The following KIAA1549L variants were observed in gnomAD, a reference collection of about 807,000 sequenced individuals.
KIAA1549L encodes the protein KIAA1549 like, also known as UPF0606 protein KIAA1549L.
A neutral mutation model predicts 160.7 loss-of-function variants in KIAA1549L; 88 were observed. That is an observed-to-expected ratio of 0.55 (90% CI 0.46 to 0.65). The LOEUF is 0.65. Among genes scored for constraint, KIAA1549L ranks in the 30% least tolerant of loss-of-function variants. KIAA1549L has a pLI of 0.00. For missense variants in KIAA1549L, 2,258 were observed against 2,437.5 expected (o/e 0.93, Z 1.55); for synonymous variants, 950 against 976.7 (o/e 0.97, Z 0.51).
chr11:33,384,961 G>A (rs1850146162), intron 1 of KIAA1549L, among the ~76,000 whole-genome samples: 1 of 149,462 alleles, frequency 6.7e-6, no homozygotes. Flanking sequence ...TTTTTTAAAA[G>A]GAGAGAAGTT....
chr11:33,625,710 C>T (rs1317904046), intron 16 of KIAA1549L, among the ~76,000 whole-genome samples: 4 of 152,002 alleles, frequency 2.6e-5, no homozygotes, highest in Admixed American at 6.6e-5. Context: ...TTGTAGGTTG[C>T]CTGTTCACTC....
intron 20 of KIAA1549L, among the ~76,000 whole-genome samples, chr11:33,663,830 GAGAC>G (rs1852348303): frequency 6.6e-6 from 1 of 152,194 alleles, no homozygotes; most frequent in Admixed American, 6.5e-5. Context: ...TTGACAGCCT[GAGAC>G]AGGCAATGGC....
At chr11:33,667,372 A>G (rs1330636989) in intron 20 of KIAA1549L, among the ~76,000 whole-genome samples, 1 of 151,864 alleles carries the variant, frequency 6.6e-6, no homozygotes, top group African/African-American at 2.4e-5. Flanking sequence ...TCCAAACAGT[A>G]TATCTAGTGA....
At chr11:33,591,712 T>C (rs927422688) in intron 12 of KIAA1549L, among the ~76,000 whole-genome samples, 4 of 152,272 alleles carry the variant, frequency 2.6e-5, no homozygotes, top group East Asian at 1.9e-4. Context: ...TTTAAACTTA[T>C]ATTAAAAGCA....
intron 1 of KIAA1549L, among the ~76,000 whole-genome samples, chr11:33,523,117 C>G (rs1853534832): frequency 6.6e-6 from 1 of 152,120 alleles, no homozygotes; most frequent in African/African-American, 2.4e-5. Context: ...TTCTGTCTAC[C>G]CATCAGTTCT....
At chr11:33,482,569 C>CT (rs397849730) in intron 1 of KIAA1549L, among the ~76,000 whole-genome samples, 30,192 of 130,444 alleles carry the variant, frequency 0.23, 3,781 homozygotes, top group East Asian at 0.31. Context: ...ATATGCTATA[C>CT]TTTTTTTTTT....
chr11:33,546,422 TC>T (rs1196946300), intron 3 of KIAA1549L, among the ~76,000 whole-genome samples: 1 of 151,996 alleles, frequency 6.6e-6, no homozygotes, highest in Admixed American at 6.6e-5. Flanking sequence ...TCTGTCTTCT[TC>T]CCAGCCCCCC....
At chr11:33,421,106 C>G (rs1851001140) in intron 1 of KIAA1549L, among the ~76,000 whole-genome samples, 1 of 152,208 alleles carries the variant, frequency 6.6e-6, no homozygotes, top group African/African-American at 2.4e-5. Context: ...AAGGAGAGTG[C>G]TTGGGGAAGT....
At chr11:33,664,001 G>A (rs549670770) in intron 20 of KIAA1549L, among the ~76,000 whole-genome samples, 1 of 152,266 alleles carries the variant, frequency 6.6e-6, no homozygotes, top group East Asian at 1.9e-4. Context: ...GTTCTTTGGT[G>A]AGCCCAATAA....
chr11:33,488,421 G>T (rs1852579297), intron 1 of KIAA1549L, among the ~76,000 whole-genome samples: 1 of 152,122 alleles, frequency 6.6e-6, no homozygotes, highest in Non-Finnish European at 1.5e-5. Flanking sequence ...TGGGAAGGGA[G>T]GCCAAAATGA....
chr11:33,545,243 GC>G lies in KIAA1549L; in HGVS notation c.3252del (p.Thr1085ProfsTer42). The G allele has an allele frequency of 6.2e-7, 1 of 1,614,040 alleles. No homozygotes were observed. Among genetic ancestry groups the G allele is most frequent in the Non-Finnish European group, 8.5e-7 (1 of 1,179,892 alleles). On this transcript the variant is annotated frameshift_variant, in exon 3 of 21. Transcript: ENST00000658780. LOFTEE classifies it high-confidence loss of function. ...ALTSITASVKATRLPPLRAEN... is the reference protein window; with the variant it reads ...ALTSITASVKXTRLPPLRAEN... ...GACATCCATTACAGCCTCAGTGAAG[GC>G]CACCCGGTTGCCACCATTGCGAGCA...
chr11:33,598,734 A>G (rs1445141973), intron 12 of KIAA1549L, 86 bp from the exon 13 acceptor site: 6 of 1,495,514 alleles, frequency 4.0e-6, no homozygotes, highest in African/African-American at 2.8e-5. Context: ...GGCTACAGAC[A>G]TTAAACTGTG....
At chr11:33,614,564 ATATATATATATATATATATATTTTTTT>A (rs1251224336) in intron 15 of KIAA1549L, among the ~76,000 whole-genome samples, 3 of 13,466 alleles carry the variant, frequency 2.2e-4, no homozygotes, top group African/African-American at 2.0e-3. Context: ...ATATATATAT[ATATATATATATATATATATATTTTTTT>A]TTTTTTTTTT....
At chr11:33,651,489 G>A (rs1160725013) in intron 17 of KIAA1549L, among the ~76,000 whole-genome samples, 5 of 104,072 alleles carry the variant, frequency 4.8e-5, no homozygotes, top group Non-Finnish European at 5.3e-5. Flanking sequence ...TCAGTCTTTT[G>A]TGCCTCCTTC....
At chr11:33,647,964 G>C (rs1255216907) in intron 17 of KIAA1549L, among the ~76,000 whole-genome samples, 2 of 151,930 alleles carry the variant, frequency 1.3e-5, no homozygotes, top group African/African-American at 4.8e-5. Context: ...CAGAGAGATG[G>C]GTCATCAAAC....
chr11:33,569,891 A>G (rs1264511688), intron 9 of KIAA1549L, among the ~76,000 whole-genome samples: 2 of 152,212 alleles, frequency 1.3e-5, no homozygotes, highest in African/African-American at 4.8e-5. Context: ...TGCATCAGCC[A>G]AAGGGGGAGA....
At chr11:33,444,811 C>T (rs142813367) in intron 1 of KIAA1549L, among the ~76,000 whole-genome samples, 10 of 152,320 alleles carry the variant, frequency 6.6e-5, no homozygotes, top group East Asian at 1.9e-4. Context: ...GGGATGAAGA[C>T]GGGTGGCCCC....
intron 2 of KIAA1549L, 142 bp downstream of exon 2, chr11:33,544,478 A>G (rs932422932): frequency 2.9e-5 from 25 of 858,440 alleles, no homozygotes; most frequent in Middle Eastern, 3.6e-4. Flanking sequence ...GGAATGAGTT[A>G]GTAGCCCCAA....
At chr11:33,395,701 C>T (rs969043158) in intron 1 of KIAA1549L, among the ~76,000 whole-genome samples, 2 of 151,988 alleles carry the variant, frequency 1.3e-5, no homozygotes, top group African/African-American at 4.8e-5. Flanking sequence ...CTTGTAGTTT[C>T]GGTAGACAAA....
Sources: gnomAD v4.1 joint callset for allele counts (sites outside exome capture counted in the v4.1 genomes callset) on GRCh38, gnomAD v4.1.1 for gene constraint, MANE v1.5 for transcripts, NCBI Gene and HGNC (gene_info 2026-07-23, HGNC 2026-07-21) for gene names.